The following PIP5K1A variants were observed in gnomAD, a reference collection of about 807,000 sequenced individuals.
PIP5K1A encodes phosphatidylinositol 4-phosphate 5-kinase type-1 alpha.
PIP5K1A carries 46 observed loss-of-function variants against 72.9 expected under a neutral mutation model. That is an observed-to-expected ratio of 0.63 (90% CI 0.50 to 0.81). PIP5K1A has a LOEUF of 0.81. PIP5K1A is among the 30% of genes least tolerant of loss of function. The pLI, the probability that PIP5K1A is intolerant of heterozygous loss-of-function variation, is 0.00. For missense variants in PIP5K1A, 458 were observed against 706.1 expected (o/e 0.65, Z 3.98); for synonymous variants, 228 against 255.1 (o/e 0.89, Z 1.01).
chr1:151,206,587 G>A (rs1211311990), intron 1 of PIP5K1A, among the ~76,000 whole-genome samples: 1 of 151,848 alleles, frequency 6.6e-6, no homozygotes, highest in Non-Finnish European at 1.5e-5. Flanking sequence ...GTTTTTTGAG[G>A]CGGAGTTTCA....
At chr1:151,224,495 C>A (rs1456952066) in intron 3 of PIP5K1A, 89 bp downstream of exon 3, 23 of 964,910 alleles carry the variant, frequency 2.4e-5, no homozygotes, top group Non-Finnish European at 3.8e-5. Flanking sequence ...TTTTAATGTA[C>A]CAAATGCAAT....
chr1:151,236,168 A>T (rs999536251), intron 8 of PIP5K1A, among the ~76,000 whole-genome samples: 8 of 151,670 alleles, frequency 5.3e-5, no homozygotes, highest in Non-Finnish European at 1.0e-4. Context: ...TGTAAGGCTA[A>T]ATTAAATAAT....
At chr1:151,227,924 G>C (rs986278998) in intron 4 of PIP5K1A, among the ~76,000 whole-genome samples, 1 of 152,118 alleles carries the variant, frequency 6.6e-6, no homozygotes, top group African/African-American at 2.4e-5. Flanking sequence ...ATCTGGCATT[G>C]GTTGCTATTT....
intron 1 of PIP5K1A, among the ~76,000 whole-genome samples, chr1:151,218,912 C>T (rs1304528774): frequency 2.0e-5 from 3 of 150,798 alleles, no homozygotes; most frequent in Admixed American, 2.0e-4. Context: ...AATGTGGGCT[C>T]TAGTTTTGCC....
intron 1 of PIP5K1A, among the ~76,000 whole-genome samples, chr1:151,218,590 A>C (rs1053214155): frequency 3.3e-5 from 5 of 152,274 alleles, no homozygotes; most frequent in Middle Eastern, 3.4e-3. Flanking sequence ...TAATCCCAGC[A>C]CTTTGGGAGG....
At chr1:151,218,934 A>T (rs587625356) in intron 1 of PIP5K1A, among the ~76,000 whole-genome samples, 7 of 151,604 alleles carry the variant, frequency 4.6e-5, no homozygotes, top group African/African-American at 1.5e-4. Context: ...GTCACTGCCT[A>T]TGCTTTGATT....
At position 151,239,118 on chromosome 1, in the gene PIP5K1A, T is replaced by C. The variant is rs1691291007; in HGVS notation, c.1230-12T>C. 1 of 1,603,960 alleles carries C rather than the reference T, an allele frequency of 6.2e-7. No individual in the cohort carries two copies. Among genetic ancestry groups the C allele is most frequent in the Non-Finnish European group, 8.5e-7 (1 of 1,171,128 alleles). The stretch of plus-strand genomic sequence containing the variant: ...AAATGACGTGAGTAGGTGATGTACA[T>C]TTTTCTTGCAGGTTTGTTAAGAAGT... On this transcript the variant is annotated splice_polypyrimidine_tract_variant and intron_variant, in intron 10 of 15. Transcript: ENST00000368888.
At chr1:151,218,438 A>G (rs1231341657) in intron 1 of PIP5K1A, among the ~76,000 whole-genome samples, 5 of 152,176 alleles carry the variant, frequency 3.3e-5, no homozygotes, top group African/African-American at 1.2e-4. Context: ...ATATGTCTTC[A>G]TATTGTCCAT....
chr1:151,236,886 G>A, intron 9 of PIP5K1A, 123 bp downstream of exon 9: 1 of 672,514 alleles, frequency 1.5e-6, no homozygotes, highest in South Asian at 2.0e-5. Context: ...GATGTGCAAT[G>A]GCACGATCTC....
intron 9 of PIP5K1A, among the ~76,000 whole-genome samples, 157 bp from the exon 10 acceptor site, chr1:151,238,025 A>G (rs1260177107): frequency 6.6e-6 from 1 of 152,072 alleles, no homozygotes; most frequent in Non-Finnish European, 1.5e-5. Flanking sequence ...CTGTTTTTTT[A>G]ATGTATTTTT....
In PIP5K1A at chr1:151,242,192, A is replaced by G; in HGVS notation, c.1433A>G (p.Asn478Ser). 2 of 1,613,774 alleles carry G rather than the reference A, an allele frequency of 1.2e-6. No homozygotes were observed. Among genetic ancestry groups the G allele is most frequent in the Non-Finnish European group, 1.7e-6 (2 of 1,179,874 alleles). Residue 478 changes from asparagine (N) to serine (S), a missense_variant, in exon 13 of 16, where the codon AAC (asparagine) becomes AGC (serine). By Grantham distance (46) the Asn-to-Ser change is conservative. Coordinates refer to ENST00000368888, the MANE Select transcript of PIP5K1A (RefSeq NM_001135638.2). ...TCTCGGCGAGCAGGCTCCAGTGGCA[A>G]CTCCTGCATTACTTACCAGCCATCG... Reference protein sequence around the residue: ...SFSRRAGSSGNSCITYQPSVS... With the variant: ...SFSRRAGSSGSSCITYQPSVS...
At chr1:151,209,032 G>A (rs1188705341) in intron 1 of PIP5K1A, among the ~76,000 whole-genome samples, 2 of 149,194 alleles carry the variant, frequency 1.3e-5, no homozygotes, top group Non-Finnish European at 3.0e-5. Context: ...GCGCCTGGCC[G>A]CTTTTTTTTT....
In PIP5K1A at chr1:151,242,158, T is replaced by G. The variant is rs201156474; in HGVS notation, c.1399T>G (p.Ser467Ala). 6.2e-7 allele frequency: 1 copy of G among 1,614,066 alleles called. No homozygotes were observed. The highest frequency in any genetic ancestry group is 1.1e-5 in the South Asian group (1 of 91,086). The change falls in exon 13 of 16, where the codon TCA (serine) becomes GCA (alanine). Residue 467 changes from serine (S) to alanine (A), a missense_variant. By Grantham distance (99) the Ser-to-Ala change is moderately conservative. This residue lies in a region of PIP5K1A where 157 missense variants were observed against 175.5 expected (regional missense o/e 0.89). Transcript: ENST00000368888. ...TCCTTCCAAAAAGTTTCGGTCTGGC[T>G]CATCTTTCTCTCGGCGAGCAGGCTC... Reference protein sequence around the residue: ...PSPSKKFRSGSSFSRRAGSSG... With the variant: ...PSPSKKFRSGASFSRRAGSSG...
intron 4 of PIP5K1A, among the ~76,000 whole-genome samples, chr1:151,231,231 A>G (rs1447362711): frequency 1.5e-5 from 2 of 136,290 alleles, no homozygotes; most frequent in East Asian, 2.2e-4. Flanking sequence ...AAAAAAAAAA[A>G]GGAATATTGG....
rs1254804372 is a variant in PIP5K1A, at chr1:151,232,855, C to T, written c.639+152C>T. 4 of 613,766 alleles carry T rather than the reference C, an allele frequency of 6.5e-6. No individual in the cohort carries two copies. The African/African-American group carries it at 7.5e-5, about 12-fold the overall frequency. The allele number at this position is 613,766 out of a possible 1,614,324, so 38.0% of individuals were successfully genotyped here. On this transcript the variant is annotated intron_variant, in intron 7 of 15. Coordinates refer to ENST00000368888, the MANE Select transcript of PIP5K1A (RefSeq NM_001135638.2). ...GTGGCTCATGCCTGTAATCCCAGGA[C>T]TTTGGGAGGCCGAGGCAAGAGGATC...
At chr1:151,214,275 T>A (rs7521064) in intron 1 of PIP5K1A, among the ~76,000 whole-genome samples, 95,625 of 152,056 alleles carry the variant, frequency 0.63, 30,601 homozygotes, top group Non-Finnish European at 0.7. Context: ...TGTATATACA[T>A]CTTTGTTTGC....
intron 14 of PIP5K1A, among the ~76,000 whole-genome samples, chr1:151,246,673 G>A (rs1260244260): frequency 6.6e-6 from 1 of 152,098 alleles, no homozygotes; most frequent in African/African-American, 2.4e-5. Context: ...GGGTACCTAC[G>A]ACACCTGGAG....
In PIP5K1A at chr1:151,227,363, G is replaced by C. The variant is rs752209854; in HGVS notation, c.200G>C (p.Arg67Thr). The C allele has an allele frequency of 6.2e-7, 1 of 1,613,192 alleles. No homozygotes were observed. Among genetic ancestry groups the C allele is most frequent in the Non-Finnish European group, 8.5e-7 (1 of 1,179,224 alleles). Residue 67 changes from arginine (R) to threonine (T), a missense_variant, in exon 4 of 16, where the codon AGA (arginine) becomes ACA (threonine). Physicochemically the swap from Arg to Thr is moderately conservative, Grantham distance 71. Around this residue, in one of 3 missense-constraint regions of PIP5K1A, gnomAD observed 81 missense variants for 88.0 expected, o/e 0.92. Transcript: ENST00000368888. ...SGMPIKKIGH[R>T]SVDSSGETTY... Reference sequence around the variant, plus strand: ...ATGCCCATCAAGAAAATAGGCCATAGAAGTGTTGATTCCTCAGGAGAGACA... The same window carrying C: ...ATGCCCATCAAGAAAATAGGCCATACAAGTGTTGATTCCTCAGGAGAGACA...
At chr1:151,200,808 C>G (rs587694395) in intron 1 of PIP5K1A, among the ~76,000 whole-genome samples, 1 of 133,588 alleles carries the variant, frequency 7.5e-6, no homozygotes, top group South Asian at 2.4e-4. Flanking sequence ...GTAAAAGTGA[C>G]AGGGTATTTA....
Sources: gnomAD v4.1 joint callset for allele counts (sites outside exome capture counted in the v4.1 genomes callset) on GRCh38, gnomAD v4.1.1 for gene constraint, gnomAD v4.1.1 regional missense constraint, MANE v1.5 for transcripts, NCBI Gene and HGNC (gene_info 2026-07-23, HGNC 2026-07-21) for gene names.